The following PAM variants were observed in gnomAD, a reference collection of about 807,000 sequenced individuals.
PAM encodes peptidylglycine alpha-amidating monooxygenase, also known as peptidyl-glycine alpha-amidating monooxygenase.
PAM carries 72 observed loss-of-function variants against 122.1 expected under a neutral mutation model. The observed-to-expected ratio is 0.59, with a 90% CI of 0.49 to 0.72. The LOEUF is 0.72. Among genes scored for constraint, PAM ranks in the 30% least tolerant of loss-of-function variants. The pLI is 0.00. For missense variants in PAM, 1,106 were observed against 1,183.7 expected, an observed-to-expected ratio of 0.93 and a Z score of 0.96; for synonymous variants, 389 against 404.4, an observed-to-expected ratio of 0.96 and a Z score of 0.46.
At chr5:102,768,036 G>A (rs1436079094) in intron 1 of PAM, among the ~76,000 whole-genome samples, 1 of 152,128 alleles carries the variant, frequency 6.6e-6, no homozygotes, top group Non-Finnish European at 1.5e-5. Flanking sequence ...TGCACTTAGA[G>A]TGGAGACCAG....
Position 103,019,851 on chromosome 5 carries a change from A to G in PAM, c.2485+8A>G, listed in dbSNP as rs1783058517. 1 of 1,575,082 alleles carries G rather than the reference A, an allele frequency of 6.3e-7. No individual in the cohort carries two copies. The highest frequency in any genetic ancestry group is 8.7e-7 in the Non-Finnish European group (1 of 1,144,522). On this transcript the variant is annotated splice_region_variant and intron_variant, in intron 23 of 25. Coordinates refer to ENST00000438793, the MANE Select transcript of PAM (RefSeq NM_001177306.2). The stretch of plus-strand genomic sequence containing the variant: ...AGGTCCAGGAAATCAAAGGTTGGTC[A>G]GATTCCTCTTATTACTATAAAACCA...
At chr5:102,900,816 G>T (rs1358560908) in intron 3 of PAM, among the ~76,000 whole-genome samples, 1 of 151,378 alleles carries the variant, frequency 6.6e-6, no homozygotes, top group Non-Finnish European at 1.5e-5. Flanking sequence ...CCAATAACTA[G>T]AAAAGAAATA....
intron 5 of PAM, among the ~76,000 whole-genome samples, chr5:102,921,454 T>C (rs866846831): frequency 6.6e-6 from 1 of 152,184 alleles, no homozygotes; most frequent in Non-Finnish European, 1.5e-5. Flanking sequence ...TTATCAGTTA[T>C]AGAACTCAGT....
At chr5:102,867,475 T>A (rs1785982072) in intron 3 of PAM, 82 bp downstream of exon 3, 1 of 990,092 alleles carries the variant, frequency 1.0e-6, no homozygotes, top group East Asian at 2.5e-5. Context: ...TTTACAGCTG[T>A]AGGAACTTCT....
chr5:102,787,013 A>G (rs1760729987), intron 1 of PAM, among the ~76,000 whole-genome samples: 1 of 152,158 alleles, frequency 6.6e-6, no homozygotes. Flanking sequence ...TTACTCTCCC[A>G]TCTGAGATTT....
chr5:102,885,963 G>A (rs530368014), intron 3 of PAM, among the ~76,000 whole-genome samples: 6 of 151,982 alleles, frequency 3.9e-5, no homozygotes, highest in Non-Finnish European at 8.8e-5. Context: ...GTCTACTGTT[G>A]TTTGAAGACT....
intron 1 of PAM, among the ~76,000 whole-genome samples, chr5:102,857,510 G>A (rs73192714): frequency 0.062 from 9,404 of 152,194 alleles, 669 homozygotes; most frequent in East Asian, 0.18. Flanking sequence ...ACTTCGATTT[G>A]TTACCTACTG....
chr5:102,977,152 C>T (rs1767946573), intron 15 of PAM, among the ~76,000 whole-genome samples: 1 of 152,098 alleles, frequency 6.6e-6, no homozygotes, highest in Non-Finnish European at 1.5e-5. Context: ...TAGATCAGCT[C>T]AAAAATGTGG....
chr5:102,841,847 AT>A (rs1305257407), intron 1 of PAM, among the ~76,000 whole-genome samples: 2 of 152,224 alleles, frequency 1.3e-5, no homozygotes, highest in Non-Finnish European at 2.9e-5. Flanking sequence ...AGAAGTACTT[AT>A]TACAAAGTTA....
intron 7 of PAM, among the ~76,000 whole-genome samples, chr5:102,939,836 G>A (rs1754504285): frequency 6.6e-6 from 1 of 151,930 alleles, no homozygotes; most frequent in Non-Finnish European, 1.5e-5. Context: ...ATACAGAATA[G>A]TATTGTAAAT....
At chr5:102,811,079 T>A (rs1767773064) in intron 1 of PAM, among the ~76,000 whole-genome samples, 1 of 152,142 alleles carries the variant, frequency 6.6e-6, no homozygotes, top group Non-Finnish European at 1.5e-5. Context: ...CTAGTTGGAG[T>A]TGAGCACTTT....
At chr5:102,820,505 T>C (rs1456842748) in intron 1 of PAM, among the ~76,000 whole-genome samples, 3 of 152,170 alleles carry the variant, frequency 2.0e-5, no homozygotes, top group African/African-American at 4.8e-5. Context: ...TTGATAATTA[T>C]GTAGAAAAAG....
intron 1 of PAM, among the ~76,000 whole-genome samples, chr5:102,788,949 G>A (rs1291374388): frequency 6.6e-6 from 1 of 152,120 alleles, no homozygotes; most frequent in Non-Finnish European, 1.5e-5. Context: ...TCAGTGCTCT[G>A]TTGGTTGACA....
At chr5:102,956,692 T>G (rs1482832021) in intron 12 of PAM, among the ~76,000 whole-genome samples, 1 of 152,054 alleles carries the variant, frequency 6.6e-6, no homozygotes, top group Non-Finnish European at 1.5e-5. Flanking sequence ...ATAATTACGA[T>G]CTATAATTTT....
At chr5:102,760,559 CA>C (rs1487209714) in intron 1 of PAM, among the ~76,000 whole-genome samples, 1 of 152,208 alleles carries the variant, frequency 6.6e-6, no homozygotes, top group Non-Finnish European at 1.5e-5. Context: ...AGCCACATTT[CA>C]AATGCTTAAT....
intron 12 of PAM, among the ~76,000 whole-genome samples, chr5:102,957,817 C>T (rs565716530): frequency 2.0e-5 from 3 of 152,262 alleles, no homozygotes; most frequent in South Asian, 2.1e-4. Flanking sequence ...CGTGAGCCAT[C>T]GTGCCCGGCA....
chr5:102,867,324 A>C lies in PAM; in HGVS notation c.141A>C (p.Arg47Ser), dbSNP rs757230186. The C allele has an allele frequency of 6.2e-7, 1 of 1,604,184 alleles. No individual in the cohort carries two copies. The highest frequency in any genetic ancestry group is 1.7e-5 in the Admixed American group (1 of 59,976). ...PFSNECLGTT[R>S]PVVPIDSSDF... ...CCAATGAATGTCTTGGTACCACCAG[A>C]CCCGTAGTTCCTATTGATTCATCAG... The change falls in exon 3 of 26, where the codon AGA (arginine) becomes AGC (serine). Residue 47 changes from arginine to serine, a missense_variant. Coordinates refer to ENST00000438793, the MANE Select transcript of PAM (RefSeq NM_001177306.2).
intron 7 of PAM, among the ~76,000 whole-genome samples, chr5:102,944,872 C>T (rs773586315): frequency 9.2e-5 from 14 of 152,110 alleles, no homozygotes; most frequent in Non-Finnish European, 2.1e-4. Context: ...AATTTCAATT[C>T]TAATTTCATT....
At chr5:102,979,060 A>G (rs867537856) in intron 15 of PAM, among the ~76,000 whole-genome samples, 5 of 148,482 alleles carry the variant, frequency 3.4e-5, no homozygotes, top group African/African-American at 5.0e-5. Context: ...ACACACACAC[A>G]CGCACACACA....
Sources: allele counts gnomAD v4.1 joint callset (sites outside exome capture counted in the v4.1 genomes callset), GRCh38; gene constraint gnomAD v4.1.1; transcripts MANE v1.5; gene names NCBI Gene and HGNC (gene_info 2026-07-23, HGNC 2026-07-21).